The following KIF13B variants were observed in gnomAD, a reference collection of about 807,000 sequenced individuals.
The protein encoded by KIF13B is kinesin-like protein KIF13B.
In KIF13B, 127 loss-of-function variants were observed where a neutral mutation model predicts 222.0. The observed-to-expected ratio is 0.57, with a 90% CI of 0.50 to 0.66. The LOEUF is 0.66. Among genes scored for constraint, KIF13B ranks in the 30% least tolerant of loss-of-function variants. KIF13B has a pLI of 0.00. For missense variants in KIF13B, 2,173 were observed against 2,379.0 expected, an observed-to-expected ratio of 0.91 and a Z score of 1.80; for synonymous variants, 976 against 919.0, an observed-to-expected ratio of 1.06 and a Z score of -1.12.
chr8:29,071,456 C>T lies in KIF13B; in HGVS notation c.5218+164G>A, dbSNP rs1807269612. On this transcript the variant is annotated intron_variant, in intron 39 of 39. Coordinates refer to ENST00000524189, the MANE Select transcript of KIF13B (RefSeq NM_015254.4). The surrounding 1 kb of genome is among the most constrained non-coding windows in gnomAD (Gnocchi z 4.9). ...CGTCTCCAGGGACTAGCCCTGCCCC[C>T]AGCCTCACCCCTGCAGGCCCAGCCG... 6.6e-6 allele frequency among the ~76,000 whole-genome samples: 1 copy of T among 152,168 alleles called. No individual in the cohort carries two copies. The highest frequency in any genetic ancestry group is 6.5e-5 in the Admixed American group (1 of 15,282).
At chr8:29,253,586 A>G (rs1311231993) in intron 1 of KIF13B, among the ~76,000 whole-genome samples, 2 of 152,072 alleles carry the variant, frequency 1.3e-5, no homozygotes, top group Admixed American at 6.6e-5. Context: ...AAAAGAAACC[A>G]ATCAACCTCA....
intron 2 of KIF13B, among the ~76,000 whole-genome samples, chr8:29,210,343 T>C (rs916297106): frequency 6.6e-6 from 1 of 152,182 alleles, no homozygotes; most frequent in Non-Finnish European, 1.5e-5. Context: ...GAGAGAGGGC[T>C]ACAGACTTCA....
At chr8:29,162,254 G>A (rs772751196) in intron 12 of KIF13B, among the ~76,000 whole-genome samples, 5 of 152,124 alleles carry the variant, frequency 3.3e-5, no homozygotes, top group African/African-American at 4.8e-5. Flanking sequence ...AAGTAAGTTC[G>A]CAGCATAATT....
chr8:29,174,397 A>G (rs1190247738), intron 10 of KIF13B, among the ~76,000 whole-genome samples: 1 of 152,224 alleles, frequency 6.6e-6, no homozygotes, highest in Admixed American at 6.5e-5. Context: ...TTACAGAAGC[A>G]GAAGTTCTTA....
chr8:29,145,042 T>C (rs1810997255), intron 18 of KIF13B, among the ~76,000 whole-genome samples: 1 of 152,222 alleles, frequency 6.6e-6, no homozygotes, highest in Non-Finnish European at 1.5e-5. Context: ...AAGAGGATCT[T>C]GTACTTCTCA....
chr8:29,127,887 T>C (rs1810184878), intron 24 of KIF13B, among the ~76,000 whole-genome samples: 1 of 152,040 alleles, frequency 6.6e-6, no homozygotes, highest in South Asian at 2.1e-4. Flanking sequence ...ATTCAATAAC[T>C]TTATTATTTG....
At chr8:29,109,398 C>A (rs958319195) in intron 34 of KIF13B, 36 bp downstream of exon 34, 1 of 1,514,118 alleles carries the variant, frequency 6.6e-7, no homozygotes, top group East Asian at 2.3e-5. Context: ...GAGAGAAGTC[C>A]CAGGCACAGC....
chr8:29,162,572 G>A (rs1282611114), intron 12 of KIF13B, among the ~76,000 whole-genome samples: 1 of 152,168 alleles, frequency 6.6e-6, no homozygotes, highest in Non-Finnish European at 1.5e-5. Context: ...CTTTCTCTAA[G>A]TTATCCTAGT....
intron 3 of KIF13B, among the ~76,000 whole-genome samples, chr8:29,195,840 T>C (rs1211695376): frequency 6.6e-6 from 1 of 152,226 alleles, no homozygotes; most frequent in East Asian, 1.9e-4. Context: ...AGGTTTCTGT[T>C]GGCTGGGAAT....
intron 37 of KIF13B, among the ~76,000 whole-genome samples, chr8:29,079,042 G>A (rs1227664256): frequency 6.6e-6 from 1 of 152,138 alleles, no homozygotes; most frequent in Non-Finnish European, 1.5e-5. Flanking sequence ...AAGCTGTTTT[G>A]GAGACCCCTC....
At chr8:29,205,913 T>C (rs1813910184) in intron 2 of KIF13B, among the ~76,000 whole-genome samples, 2 of 72,564 alleles carry the variant, frequency 2.8e-5, no homozygotes, top group Admixed American at 1.6e-4. Flanking sequence ...CAAAACTCCA[T>C]TTCTACCAAA....
intron 2 of KIF13B, among the ~76,000 whole-genome samples, chr8:29,244,812 T>C (rs903691338): frequency 6.6e-6 from 1 of 152,062 alleles, no homozygotes; most frequent in African/African-American, 2.4e-5. Context: ...AGCCCTCGAG[T>C]CTCTTTCCCC....
chr8:29,130,790 T>G, intron 23 of KIF13B, 125 bp from the exon 24 acceptor site: 2 of 801,650 alleles, frequency 2.5e-6, no homozygotes, highest in Non-Finnish European at 4.0e-6. Flanking sequence ...CAGAATGATC[T>G]GTAGTTCAGT....
intron 6 of KIF13B, among the ~76,000 whole-genome samples, chr8:29,184,613 TGTAA>T (rs973176521): frequency 1.3e-5 from 2 of 152,224 alleles, no homozygotes; most frequent in African/African-American, 4.8e-5. Flanking sequence ...TGTTAATTAC[TGTAA>T]GTAATTACCG....
In KIF13B at chr8:29,162,748, A is replaced by G. The variant is rs562755811; in HGVS notation, c.1270-1881T>C. ...AAAAACTAAAGTTTTAAATCATCTAAAAAAATTACAAATGTTTGTAACATC... is the reference window on the plus strand; with the variant it reads ...AAAAACTAAAGTTTTAAATCATCTAGAAAAATTACAAATGTTTGTAACATC... On this transcript the variant is annotated intron_variant, in intron 12 of 39. Transcript: ENST00000524189. Among the ~76,000 whole-genome samples the G allele has an allele frequency of 2.0e-5, 3 of 152,358 alleles. No individual in the cohort carries two copies. In the South Asian group the frequency reaches 6.2e-4, roughly 32 times the overall value.
chr8:29,256,005 C>T (rs563112984), intron 1 of KIF13B, among the ~76,000 whole-genome samples: 1 of 152,318 alleles, frequency 6.6e-6, no homozygotes, highest in South Asian at 2.1e-4. Flanking sequence ...TCTACACCTA[C>T]GTCCAGTCCC....
At chr8:29,228,472 A>AAAAAAAAAAAAAATATATATATATAT in intron 2 of KIF13B, among the ~76,000 whole-genome samples, 8 of 117,080 alleles carry the variant, frequency 6.8e-5, no homozygotes, top group African/African-American at 2.0e-4. Flanking sequence ...ATCTTAAAAA[A>AAAAAAAAAAAAAATATATATATATAT]ATATATATAT....
chr8:29,188,597 AATATCTT>A lies in KIF13B; in HGVS notation c.227_233del (p.Gln76LeufsTer36). On this transcript the variant is annotated frameshift_variant, in exon 5 of 40. Coordinates refer to ENST00000524189, the MANE Select transcript of KIF13B (RefSeq NM_015254.4). LOFTEE classifies it high-confidence loss of function. ...TATTCTCTCCAAGGCACTTGAAAAC[AATATCTT>A]GACCTGAGAGAGAGAGAATAAGAGA... The A allele has an allele frequency of 6.2e-7, 1 of 1,606,910 alleles. No homozygotes were observed. Among genetic ancestry groups the A allele is most frequent in the Non-Finnish European group, 8.5e-7 (1 of 1,174,226 alleles).
At chr8:29,212,135 T>C (rs923002731) in intron 2 of KIF13B, among the ~76,000 whole-genome samples, 4 of 152,236 alleles carry the variant, frequency 2.6e-5, no homozygotes, top group Non-Finnish European at 5.9e-5. Flanking sequence ...TACTGCTCCT[T>C]GGAACATTCA....
Sources: allele counts gnomAD v4.1 joint callset (sites outside exome capture counted in the v4.1 genomes callset), GRCh38; gene constraint gnomAD v4.1.1; non-coding constraint Gnocchi (gnomAD v3.1); transcripts MANE v1.5; gene names NCBI Gene and HGNC (gene_info 2026-07-23, HGNC 2026-07-21).